The following CSMD1 variants were observed in gnomAD, a reference collection of about 807,000 sequenced individuals.
CSMD1 encodes the protein CUB and sushi domain-containing protein 1.
Under a neutral mutation model 417.5 loss-of-function variants are expected in CSMD1, and 213 were observed. That is an observed-to-expected ratio of 0.51 (90% CI 0.46 to 0.57). The LOEUF (loss-of-function observed/expected upper bound fraction) is 0.57, where lower values mean the gene tolerates loss of function less well. Ranked by LOEUF, CSMD1 falls within the 20% of genes least tolerant of loss-of-function variation. The pLI is 0.00. For synonymous variants in CSMD1, 2,862 were observed against 1,736.8 expected (o/e 1.65, Z -16.11); for missense variants, 6,923 against 4,529.7 (o/e 1.53, Z -15.17).
intron 48 of CSMD1, 94 bp from the exon 49 acceptor site, chr8:3,087,379 T>C: frequency 7.7e-7 from 1 of 1,298,184 alleles, no homozygotes; most frequent in Middle Eastern, 2.5e-4. Flanking sequence ...GAATGGCTTC[T>C]CATTTCCAAA....
intron 7 of CSMD1, among the ~76,000 whole-genome samples, chr8:3,632,477 TAACATGTCATGATAA>T: frequency 6.6e-6 from 1 of 152,316 alleles, no homozygotes. Context: ...TATATCTCAT[TAACATGTCATGATAA>T]AACCTTAGAT....
intron 7 of CSMD1, among the ~76,000 whole-genome samples, chr8:3,634,426 G>A (rs1033951255): frequency 6.6e-6 from 1 of 152,184 alleles, no homozygotes; most frequent in East Asian, 1.9e-4. Context: ...TGTGCGTGGG[G>A]TCACACGTCA....
chr8:4,148,317 A>G (rs1796384995), intron 3 of CSMD1, among the ~76,000 whole-genome samples: 1 of 140,206 alleles, frequency 7.1e-6, no homozygotes. Flanking sequence ...GAATTGAACA[A>G]TGAGAACACA....
At chr8:4,447,812 A>C (rs1412732364) in intron 2 of CSMD1, among the ~76,000 whole-genome samples, 1 of 152,212 alleles carries the variant, frequency 6.6e-6, no homozygotes, top group Admixed American at 6.5e-5. Context: ...CACAACTAAG[A>C]AGTCACAACG....
chr8:4,112,174 A>G (rs1383644496), intron 3 of CSMD1, among the ~76,000 whole-genome samples: 1 of 152,202 alleles, frequency 6.6e-6, no homozygotes. Context: ...TGGGCAGTCT[A>G]TAGCTGCTGA....
In CSMD1 at chr8:4,433,485, G is replaced by A. The variant is rs532145050; in HGVS notation, c.303-13420C>T. On this transcript the variant is annotated intron_variant, in intron 2 of 69. Transcript: ENST00000635120. ...CAACGCACTGGCTATCTGCAAGCGC[G>A]GCCAAGTGTTTCCCTCATTCCCAAG... 1.0e-3 allele frequency among the ~76,000 whole-genome samples: 154 copies of A among 152,250 alleles called. 1 individual carries two copies. The highest frequency in any genetic ancestry group is 3.5e-3 in the African/African-American group (145 of 41,538).
intron 3 of CSMD1, among the ~76,000 whole-genome samples, chr8:4,340,150 T>A (rs1020527764): frequency 1.3e-5 from 2 of 152,148 alleles, no homozygotes; most frequent in African/African-American, 4.8e-5. Flanking sequence ...TCATTTAACA[T>A]GTTCTATTTT....
intron 1 of CSMD1, among the ~76,000 whole-genome samples, chr8:4,695,361 GC>G (rs1807059993): frequency 6.6e-6 from 1 of 152,070 alleles, no homozygotes; most frequent in Non-Finnish European, 1.5e-5. Flanking sequence ...GTGAGGACTG[GC>G]CCCTGTTCAC....
intron 3 of CSMD1, among the ~76,000 whole-genome samples, chr8:4,398,542 C>T (rs1220961337): frequency 7.9e-5 from 12 of 151,838 alleles, no homozygotes; most frequent in Admixed American, 3.3e-4. Flanking sequence ...TACAGGCGCC[C>T]GCCACCATGC....
At chr8:4,944,166 A>C (rs1161035801) in intron 1 of CSMD1, among the ~76,000 whole-genome samples, 1 of 152,302 alleles carries the variant, frequency 6.6e-6, no homozygotes, top group South Asian at 2.1e-4. Context: ...CTCATGAAAG[A>C]GAAAAAATCC....
At chr8:2,981,129 T>G (rs1318359504) in intron 54 of CSMD1, among the ~76,000 whole-genome samples, 2 of 152,202 alleles carry the variant, frequency 1.3e-5, no homozygotes, top group African/African-American at 2.4e-5. Flanking sequence ...AGGGCAGGAA[T>G]AATTTGATTT....
chr8:3,704,105 G>A (rs187733322), intron 7 of CSMD1, among the ~76,000 whole-genome samples: 16 of 152,182 alleles, frequency 1.1e-4, no homozygotes, highest in Non-Finnish European at 2.1e-4. Flanking sequence ...GCTCTCTTAA[G>A]TCTTATAATT....
chr8:3,511,844 A>G (rs1046984696), intron 10 of CSMD1, among the ~76,000 whole-genome samples: 1 of 151,716 alleles, frequency 6.6e-6, no homozygotes. Flanking sequence ...TAAAATAAAA[A>G]TATAATAAAT....
At chr8:4,578,360 T>TTA (rs1484392049) in intron 2 of CSMD1, among the ~76,000 whole-genome samples, 11 of 144,762 alleles carry the variant, frequency 7.6e-5, no homozygotes, top group Admixed American at 6.2e-4. Flanking sequence ...TTTTTTTTTT[T>TTA]AGGACAGACG....
intron 54 of CSMD1, among the ~76,000 whole-genome samples, chr8:2,986,826 G>C (rs1805953031): frequency 6.6e-6 from 1 of 151,960 alleles, no homozygotes; most frequent in Non-Finnish European, 1.5e-5. Flanking sequence ...TTTTACCAAA[G>C]AAAATATGCC....
chr8:3,838,686 A>ACT (rs1802874488), intron 5 of CSMD1, among the ~76,000 whole-genome samples: 1 of 76,250 alleles, frequency 1.3e-5, no homozygotes, highest in Admixed American at 1.7e-4. Context: ...TATATAGTAT[A>ACT]ATATATAATA....
At chr8:4,747,190 C>G (rs1811014843) in intron 1 of CSMD1, among the ~76,000 whole-genome samples, 1 of 152,172 alleles carries the variant, frequency 6.6e-6, no homozygotes, top group African/African-American at 2.4e-5. Flanking sequence ...TCCTTGTTTT[C>G]TTGTCTCTTG....
chr8:3,812,593 G>A (rs371061220), intron 5 of CSMD1, among the ~76,000 whole-genome samples: 6 of 152,198 alleles, frequency 3.9e-5, no homozygotes, highest in South Asian at 2.1e-4. Context: ...AAATACTTAC[G>A]CTATAAAGGG....
intron 3 of CSMD1, among the ~76,000 whole-genome samples, chr8:4,046,153 A>C (rs899278410): frequency 6.6e-6 from 1 of 152,106 alleles, no homozygotes; most frequent in Non-Finnish European, 1.5e-5. Flanking sequence ...TGTATCATAA[A>C]TTTATATACA....
Sources: gnomAD v4.1 joint callset for allele counts (sites outside exome capture counted in the v4.1 genomes callset) on GRCh38, gnomAD v4.1.1 for gene constraint, MANE v1.5 for transcripts, NCBI Gene and HGNC (gene_info 2026-07-23, HGNC 2026-07-21) for gene names.